The following CWC15 variants were observed in gnomAD, a reference collection of about 807,000 sequenced individuals.
CWC15 encodes the protein spliceosome-associated protein CWC15 homolog.
CWC15 carries 12 observed loss-of-function variants against 28.4 expected under a neutral mutation model. The observed-to-expected ratio is 0.42, with a 90% CI of 0.27 to 0.69. The LOEUF is 0.69. CWC15 is among the 30% of genes least tolerant of loss of function. The probability of loss-of-function intolerance (pLI) is 0.23; values close to 1 mark genes in which losing one functional copy is unlikely to be tolerated. For synonymous variants in CWC15, 92 were observed against 88.4 expected (o/e 1.04, Z -0.23); for missense variants, 192 against 271.5 (o/e 0.71, Z 2.06).
chr11:94,971,145 A>G (rs1857714343), intron 3 of CWC15, 80 bp from the exon 4 acceptor site: 4 of 1,263,964 alleles, frequency 3.2e-6, no homozygotes, highest in Admixed American at 1.7e-5. Flanking sequence ...TGTGAGCACA[A>G]GGAGCCCACA....
intron 4 of CWC15, 26 bp from the exon 5 acceptor site, chr11:94,970,122 G>T: frequency 8.1e-7 from 1 of 1,227,762 alleles, no homozygotes; most frequent in Non-Finnish European, 1.2e-6. Context: ...GAGCCCAGAA[G>T]ATTGGAGGGA....
intron 5 of CWC15, among the ~76,000 whole-genome samples, chr11:94,967,378 C>T (rs1353426713): frequency 6.6e-6 from 1 of 152,154 alleles, no homozygotes; most frequent in Admixed American, 6.5e-5. Flanking sequence ...CACTGTCTTT[C>T]TTCACTTTTA....
Position 94,963,203 on chromosome 11 carries a change from C to G in CWC15, c.*182G>C, listed in dbSNP as rs1310001484. 1.8e-5 allele frequency: 7 copies of G among 396,752 alleles called. No individual in the cohort carries two copies. The highest frequency in any genetic ancestry group is 6.7e-4 in the Middle Eastern group (1 of 1,490). The allele number at this position is 396,752 out of a possible 1,614,324, so 24.6% of individuals were successfully genotyped here. ...ACTGGAAACATTTGGAGAATGCAAA[C>G]TGGGTTAAACCTATTCCCAAGTCCA... is the stretch of plus-strand genomic sequence containing the variant. On this transcript the variant is annotated 3_prime_UTR_variant, in exon 7 of 7. Coordinates refer to ENST00000279839, the MANE Select transcript of CWC15 (RefSeq NM_016403.4).
At chr11:94,971,989 C>A in intron 2 of CWC15, 66 bp downstream of exon 2, 1 of 1,429,328 alleles carries the variant, frequency 7.0e-7, no homozygotes, top group Non-Finnish European at 9.6e-7. Context: ...ACTACTATAT[C>A]ATGACCATGC....
chr11:94,972,774 CT>C (rs1857741443), intron 1 of CWC15, among the ~76,000 whole-genome samples: 1 of 151,896 alleles, frequency 6.6e-6, no homozygotes, highest in South Asian at 2.1e-4. Flanking sequence ...GAAAAAAATT[CT>C]TAAACAACCG....
chr11:94,963,898 A>C (rs1394251160), intron 6 of CWC15, among the ~76,000 whole-genome samples: 2 of 152,224 alleles, frequency 1.3e-5, no homozygotes, highest in African/African-American at 4.8e-5. Context: ...CAATCAATTT[A>C]ATGTAGTTTA....
rs1555094723 is a variant in CWC15 at position 94,963,479 on chromosome 11, T to A, written c.596A>T (p.Lys199Ile). The change falls in exon 7 of 7, where the codon AAA (lysine) becomes ATA (isoleucine). Residue 199 changes from lysine (K) to isoleucine (I), a missense_variant. By Grantham distance (102) the Lys-to-Ile change is moderately radical. This residue lies in a region of CWC15 where 188 missense variants were observed against 250.3 expected (regional missense o/e 0.75). Coordinates refer to ENST00000279839, the MANE Select transcript of CWC15 (RefSeq NM_016403.4). ...GTCTTTCTTCTGGTCATCTACACCT[T>A]TTGCACAGTTCTTGAAGACAACGTC... ...DDDVVFKNCA[K>I]GVDDQKKDKR... 1 of 1,581,282 alleles carries A rather than the reference T, an allele frequency of 6.3e-7. No individual in the cohort carries two copies. Among genetic ancestry groups the A allele is most frequent in the Admixed American group, 1.8e-5 (1 of 54,884 alleles).
At chr11:94,967,237 A>G (rs1381186820) in intron 5 of CWC15, among the ~76,000 whole-genome samples, 1 of 152,138 alleles carries the variant, frequency 6.6e-6, no homozygotes, top group Non-Finnish European at 1.5e-5. Context: ...CATGTTGGCC[A>G]GGCTGGTCTC....
At chr11:94,966,267 A>ACACACT in intron 6 of CWC15, 28 bp downstream of exon 6, 1 of 1,060,546 alleles carries the variant, frequency 9.4e-7, no homozygotes, top group Non-Finnish European at 1.4e-6. Context: ...ACACACACAC[A>ACACACT]CTCCATTACT....
rs1555096318 is a variant in CWC15, at chr11:94,972,076, G to C, written c.110C>G (p.Ser37Cys). The part of the protein sequence containing the change: ...SKQYSSRDLP[S>C]HTKIKYRQTT... ...CTACCTGTATTTTATCTTTGTATGAGAGGGTAGGTCTCTGCTTGAATACTG... is the reference window on the plus strand; with the variant it reads ...CTACCTGTATTTTATCTTTGTATGACAGGGTAGGTCTCTGCTTGAATACTG... Residue 37 changes from serine to cysteine, a missense_variant, in exon 2 of 7, where the codon TCT (serine) becomes TGT (cysteine). This residue lies in a region of CWC15 where 188 missense variants were observed against 250.3 expected (regional missense o/e 0.75). Coordinates refer to ENST00000279839, the MANE Select transcript of CWC15 (RefSeq NM_016403.4). 4 of 1,612,182 alleles carry C rather than the reference G, an allele frequency of 2.5e-6. No individual in the cohort carries two copies. The highest frequency in any genetic ancestry group is 3.4e-6 in the Non-Finnish European group (4 of 1,179,430).
intron 6 of CWC15, among the ~76,000 whole-genome samples, chr11:94,965,166 G>A (rs143183117): frequency 1.3e-5 from 2 of 152,306 alleles, no homozygotes; most frequent in Non-Finnish European, 2.9e-5. Flanking sequence ...AGGGCAGGTA[G>A]CAGTACTGCA....
At chr11:94,966,547 T>C in intron 5 of CWC15, 134 bp from the exon 6 acceptor site, 1 of 215,132 alleles carries the variant, frequency 4.6e-6, no homozygotes. Flanking sequence ...AAGGCAGGCT[T>C]TTTTTTTTTT....
chr11:94,966,266 C>T (rs1555095246), intron 6 of CWC15, 29 bp downstream of exon 6: 3 of 1,134,338 alleles, frequency 2.6e-6, no homozygotes, highest in Admixed American at 4.0e-5. Context: ...CACACACACA[C>T]ACTCCATTAC....
rs1555096342 is a variant in CWC15, at chr11:94,972,176, C to CATCTTTTA, written c.9_10insTAAAAGAT (p.Ala4Ter). On this transcript the variant is annotated stop_gained and frameshift_variant, in exon 2 of 7. Transcript: ENST00000279839. LOFTEE classifies it high-confidence loss of function. ...GCAGGTTCAAAGGTTGGCCTGGCTG[C>CATCTTTTA]TGTTGTCATCTTTTATGCTTTGAAG... 2.5e-6 allele frequency: 4 copies of CATCTTTTA among 1,611,710 alleles called. No homozygotes were observed. In the African/African-American group the frequency reaches 4.0e-5, roughly 16 times the overall value.
chr11:94,963,313 A>AC lies in CWC15; in HGVS notation c.*71_*72insG, dbSNP rs587661128. ...CACAATTTAGACAGGGGAAAAGAAA[A>AC]AAAAAACTCATAAAAAAAGTCAGAA... On this transcript the variant is annotated 3_prime_UTR_variant, in exon 7 of 7. Coordinates refer to ENST00000279839, the MANE Select transcript of CWC15 (RefSeq NM_016403.4). 623 of 1,321,646 alleles carry AC rather than the reference A, an allele frequency of 4.7e-4. 7 individuals carry two copies. In the South Asian group the frequency reaches 6.3e-3, roughly 13 times the overall value. The allele number at this position is 1,321,646 out of a possible 1,614,324, so 81.9% of individuals were successfully genotyped here. A position where few individuals can be genotyped will look rare whatever the true frequency, so the allele number is the denominator to read the frequency against.
intron 1 of CWC15, among the ~76,000 whole-genome samples, chr11:94,972,587 AAATTTCC>A (rs1857738147): frequency 6.6e-6 from 1 of 152,218 alleles, no homozygotes; most frequent in Non-Finnish European, 1.5e-5. Context: ...TGAGTTTTAA[AAATTTCC>A]AACTCAACCT....
chr11:94,969,569 GAA>G (rs201046953), intron 5 of CWC15, among the ~76,000 whole-genome samples: 6,068 of 152,224 alleles, frequency 0.04, 165 homozygotes, highest in Admixed American at 0.098. Context: ...GGGGCTCAGA[GAA>G]GTTAGGTAGC....
At chr11:94,967,566 A>G (rs1265034108) in intron 5 of CWC15, among the ~76,000 whole-genome samples, 2 of 152,254 alleles carry the variant, frequency 1.3e-5, no homozygotes, top group Non-Finnish European at 2.9e-5. Context: ...TGATGACTTA[A>G]TAGATCAAGG....
intron 5 of CWC15, among the ~76,000 whole-genome samples, chr11:94,969,557 T>G (rs375156819): frequency 6.6e-6 from 1 of 151,602 alleles, no homozygotes; most frequent in East Asian, 1.9e-4. Context: ...AGAGAGACTG[T>G]GGGGGCTCAG....
Sources: gnomAD v4.1 joint callset for allele counts (sites outside exome capture counted in the v4.1 genomes callset) on GRCh38, gnomAD v4.1.1 for gene constraint, gnomAD v4.1.1 regional missense constraint, MANE v1.5 for transcripts, NCBI Gene and HGNC (gene_info 2026-07-23, HGNC 2026-07-21) for gene names.